The following VLDLR variants were observed in gnomAD, a reference collection of about 807,000 sequenced individuals.
VLDLR encodes very low density lipoprotein receptor.
Under a neutral mutation model 112.7 loss-of-function variants are expected in VLDLR, and 81 were observed. The observed-to-expected ratio is 0.72, with a 90% CI of 0.60 to 0.86. VLDLR has a LOEUF of 0.86. Ranked by LOEUF, VLDLR falls within the 40% of genes least tolerant of loss-of-function variation. The probability of loss-of-function intolerance (pLI) is 0.00; values close to 1 mark genes in which losing one functional copy is unlikely to be tolerated. For synonymous variants in VLDLR, 436 were observed against 384.8 expected, an observed-to-expected ratio of 1.13 and a Z score of -1.56; for missense variants, 1,237 against 1,099.4, an observed-to-expected ratio of 1.13 and a Z score of -1.77.
intron 4 of VLDLR, 138 bp from the exon 5 acceptor site, chr9:2,643,022 T>C (rs1371870571): frequency 1.5e-6 from 2 of 1,303,068 alleles, no homozygotes; most frequent in African/African-American, 1.5e-5. Context: ...AGTTCTTGAT[T>C]TAACTCCATT....
At chr9:2,646,249 T>A (rs1368456049) in intron 10 of VLDLR, 85 bp from the exon 11 acceptor site, 1 of 1,323,392 alleles carries the variant, frequency 7.6e-7, no homozygotes, top group African/African-American at 1.5e-5. Flanking sequence ...AACAAAGTCA[T>A]TGACCATTTT....
At chr9:2,623,541 G>A (rs537711729) in intron 1 of VLDLR, among the ~76,000 whole-genome samples, 3 of 152,332 alleles carry the variant, frequency 2.0e-5, no homozygotes, top group South Asian at 4.1e-4. Context: ...GGAGCCTGTC[G>A]GGCAGCGCCT....
rs539801304 is a variant in VLDLR at position 2,656,250 on chromosome 9, A to C, written c.*2382A>C. ...AACTCATTGTACCTACGAGGTACAAACTCATTTGTAGAAACAAAGTAACTA... is the reference window on the plus strand; with the variant it reads ...AACTCATTGTACCTACGAGGTACAACCTCATTTGTAGAAACAAAGTAACTA... On this transcript the variant is annotated 3_prime_UTR_variant, in exon 19 of 19. Transcript: ENST00000382100. 1 of 152,136 alleles carries C rather than the reference A, an allele frequency of 6.6e-6. No homozygotes were observed. The highest frequency in any genetic ancestry group is 2.1e-4 in the South Asian group (1 of 4,822). The allele number at this position is 152,136 out of a possible 1,614,324, so 9.4% of individuals were successfully genotyped here. A position where few individuals can be genotyped will look rare whatever the true frequency, so the allele number is the denominator to read the frequency against.
At chr9:2,650,561 C>G (rs776449721) in intron 15 of VLDLR, 45 bp downstream of exon 15, 2 of 1,608,658 alleles carry the variant, frequency 1.2e-6, no homozygotes, top group Non-Finnish European at 8.5e-7. Context: ...CTACAACAAG[C>G]AATATAATAA....
At position 2,621,791 on chromosome 9, in the gene VLDLR, C is replaced by G. The variant is rs919397620; in HGVS notation, c.-399C>G. The G allele has an allele frequency of 1.5e-4, 75 of 485,574 alleles. No homozygotes were observed. Among genetic ancestry groups the G allele is most frequent in the Admixed American group, 2.7e-4 (11 of 40,906 alleles). The allele number at this position is 485,574 out of a possible 1,614,324, so 30.1% of individuals were successfully genotyped here. A position where few individuals can be genotyped will look rare whatever the true frequency, so the allele number is the denominator to read the frequency against. On this transcript the variant is annotated 5_prime_UTR_variant, in exon 1 of 19. Transcript: ENST00000382100. ...CCGGCCCCCTCCCCGCTGCTCACCC[C>G]GCTCTCCGGCCGCCGCCGGTGCGGG...
intron 4 of VLDLR, among the ~76,000 whole-genome samples, chr9:2,642,423 G>C (rs1817872209): frequency 6.6e-6 from 1 of 152,150 alleles, no homozygotes; most frequent in South Asian, 2.1e-4. Flanking sequence ...TTCTGTATTG[G>C]TAAGCCCTGG....
chr9:2,659,009 ACCTC>A lies in VLDLR; in HGVS notation c.*5143_*5146del, dbSNP rs1414994429. ...TGTTTCTGCCTCAGTTCTTTTGACT[ACCTC>A]CTAGGACATGGAAACAAATATTTGG... On this transcript the variant is annotated 3_prime_UTR_variant, in exon 19 of 19. Transcript: ENST00000382100. 6.6e-6 allele frequency: 1 copy of A among 152,090 alleles called. No homozygotes were observed. The highest frequency in any genetic ancestry group is 1.5e-5 in the Non-Finnish European group (1 of 67,992). 9.4% of individuals were successfully genotyped at this position (152,090 alleles called of 1,614,324 possible). A position where few individuals can be genotyped will look rare whatever the true frequency, so the allele number is the denominator to read the frequency against.
chr9:2,644,082 G>C (rs1313887877), intron 7 of VLDLR, 123 bp downstream of exon 7: 4 of 1,400,218 alleles, frequency 2.9e-6, no homozygotes, highest in Non-Finnish European at 4.0e-6. Flanking sequence ...TTCAATTGTA[G>C]ACTTCAGAGT....
At chr9:2,625,321 C>T (rs953895644) in intron 1 of VLDLR, among the ~76,000 whole-genome samples, 2 of 152,206 alleles carry the variant, frequency 1.3e-5, no homozygotes, top group African/African-American at 4.8e-5. Flanking sequence ...CGTGTGGCTT[C>T]GGGTTTTGAT....
intron 10 of VLDLR, among the ~76,000 whole-genome samples, 191 bp from the exon 11 acceptor site, chr9:2,646,143 A>G (rs957996395): frequency 2.6e-5 from 4 of 151,880 alleles, no homozygotes; most frequent in African/African-American, 9.7e-5. Flanking sequence ...CATACCAGCA[A>G]CTAGATAATC....
At chr9:2,622,909 G>A (rs1343326298) in intron 1 of VLDLR, among the ~76,000 whole-genome samples, 5 of 152,128 alleles carry the variant, frequency 3.3e-5, no homozygotes, top group African/African-American at 1.2e-4. Context: ...GGGAGCGGCG[G>A]GGCTTTACGC....
chr9:2,659,247 C>T lies in VLDLR; in HGVS notation c.*5379C>T, dbSNP rs1031873001. The stretch of plus-strand genomic sequence containing the variant: ...AATCCTATGTGCTTACTGCCGTCTT[C>T]TCTTAGAAGGGGATGCAGTACTGTA... On this transcript the variant is annotated 3_prime_UTR_variant, in exon 19 of 19. Coordinates refer to ENST00000382100, the MANE Select transcript of VLDLR (RefSeq NM_003383.5). 4 of 152,212 alleles carry T rather than the reference C, an allele frequency of 2.6e-5. No individual in the cohort carries two copies. Among genetic ancestry groups the T allele is most frequent in the African/African-American group, 9.7e-5 (4 of 41,444 alleles). 9.4% of individuals were successfully genotyped at this position (152,212 alleles called of 1,614,324 possible).
intron 18 of VLDLR, 137 bp downstream of exon 18, chr9:2,653,086 C>G (rs1029574465): frequency 1.8e-6 from 2 of 1,127,796 alleles, no homozygotes; most frequent in South Asian, 1.3e-5. Context: ...ATTAGACAGA[C>G]AGTATAGCCT....
intron 3 of VLDLR, among the ~76,000 whole-genome samples, chr9:2,640,896 C>T (rs1817794593): frequency 6.6e-6 from 1 of 152,172 alleles, no homozygotes; most frequent in Admixed American, 6.5e-5. Flanking sequence ...AGCATTAGGG[C>T]ATGCTTCTAC....
rs1183954092 is a variant in VLDLR, at chr9:2,659,113, G to A, written c.*5245G>A. 1 of 152,148 alleles carries A rather than the reference G, an allele frequency of 6.6e-6. No individual in the cohort carries two copies. The highest frequency in any genetic ancestry group is 1.5e-5 in the Non-Finnish European group (1 of 68,028). 9.4% of individuals were successfully genotyped at this position (152,148 alleles called of 1,614,324 possible). On this transcript the variant is annotated 3_prime_UTR_variant, in exon 19 of 19. Transcript: ENST00000382100. ...AAATTCTTACCATATGCTTACTTTT[G>A]TACTAAGTAAGTGCTCCCAAGTCTT...
chr9:2,654,561 G>A lies in VLDLR; in HGVS notation c.*693G>A, dbSNP rs952473841. 5.2e-5 allele frequency: 8 copies of A among 153,222 alleles called. No individual in the cohort carries two copies. Among genetic ancestry groups the A allele is most frequent in the African/African-American group, 1.9e-4 (8 of 41,410 alleles). 9.5% of individuals were successfully genotyped at this position (153,222 alleles called of 1,614,324 possible). A position where few individuals can be genotyped will look rare whatever the true frequency, so the allele number is the denominator to read the frequency against. On this transcript the variant is annotated 3_prime_UTR_variant, in exon 19 of 19. Transcript: ENST00000382100. ...GTTCTAACTAAATGTGTGAGCTGTA[G>A]TTCTTGATGTTGTATAACTAAGCCT... is the stretch of plus-strand genomic sequence containing the variant.
At chr9:2,649,175 A>G (rs545325611) in intron 14 of VLDLR, among the ~76,000 whole-genome samples, 1 of 152,270 alleles carries the variant, frequency 6.6e-6, no homozygotes. Context: ...GCAATGAAGT[A>G]CCACAGACTA....
intron 1 of VLDLR, among the ~76,000 whole-genome samples, 192 bp from the exon 2 acceptor site, chr9:2,635,261 C>T (rs1817550526): frequency 6.6e-6 from 1 of 152,258 alleles, no homozygotes; most frequent in African/African-American, 2.4e-5. Flanking sequence ...AGTATTTAGT[C>T]TTAGCATGCA....
rs371101487 is a variant in VLDLR, at chr9:2,656,787, C to G, written c.*2919C>G. 10 of 151,932 alleles carry G rather than the reference C, an allele frequency of 6.6e-5. No homozygotes were observed. The highest frequency in any genetic ancestry group is 2.4e-4 in the African/African-American group (10 of 41,446). The allele number at this position is 151,932 out of a possible 1,614,324, so 9.4% of individuals were successfully genotyped here. A position where few individuals can be genotyped will look rare whatever the true frequency, so the allele number is the denominator to read the frequency against. On this transcript the variant is annotated 3_prime_UTR_variant, in exon 19 of 19. Coordinates refer to ENST00000382100, the MANE Select transcript of VLDLR (RefSeq NM_003383.5). Reference sequence around the variant, plus strand: ...GTGGCCTCTGGTAAAGAAATCCAGCCAAGTTCCTCTGTCCAAATTTTTAAG... The same window carrying G: ...GTGGCCTCTGGTAAAGAAATCCAGCGAAGTTCCTCTGTCCAAATTTTTAAG...
Sources: allele counts gnomAD v4.1 joint callset (sites outside exome capture counted in the v4.1 genomes callset), GRCh38; gene constraint gnomAD v4.1.1; transcripts MANE v1.5; gene names NCBI Gene and HGNC (gene_info 2026-07-23, HGNC 2026-07-21).